Variants in FREM1 observed in about 807,000 individuals in gnomAD.
The protein encoded by FREM1 is FRAS1-related extracellular matrix protein 1.
FREM1 carries 220 observed loss-of-function variants against 210.1 expected under a neutral mutation model. That is an observed-to-expected ratio of 1.05 (90% confidence interval 0.94 to 1.17). The LOEUF is 1.17. FREM1 is among the 50% of genes most tolerant of loss of function. The pLI, the probability that FREM1 is intolerant of heterozygous loss-of-function variation, is 0.00. For missense variants in FREM1, 3,454 were observed against 2,675.5 expected, an observed-to-expected ratio of 1.29 and a Z score of -6.42; for synonymous variants, 1,189 against 980.2, an observed-to-expected ratio of 1.21 and a Z score of -3.98.
chr9:14,850,145 G>C (rs931684363), intron 6 of FREM1, among the ~76,000 whole-genome samples: 1 of 152,114 alleles, frequency 6.6e-6, no homozygotes, highest in Non-Finnish European at 1.5e-5. Flanking sequence ...CAAGTTGCTG[G>C]TAGTTCTTTA....
At chr9:14,802,024 T>G (rs980882464) in intron 19 of FREM1, 150 bp from the exon 20 acceptor site, 1 of 570,712 alleles carries the variant, frequency 1.8e-6, no homozygotes, top group Non-Finnish European at 3.0e-6. Flanking sequence ...AAATTGCTGG[T>G]TTAATATGAA....
intron 1 of FREM1, among the ~76,000 whole-genome samples, chr9:14,895,697 C>T (rs1837588457): frequency 1.3e-5 from 2 of 151,862 alleles, no homozygotes; most frequent in Admixed American, 1.3e-4. Context: ...TTTTCTTAAA[C>T]ATTTATTAAT....
chr9:14,790,676 TAA>T (rs976249096), intron 22 of FREM1: 4 of 152,216 alleles, frequency 2.6e-5, no homozygotes, highest in African/African-American at 9.6e-5. Context: ...TGGCGAAAAC[TAA>T]GAGAAGTCAA....
At chr9:14,891,289 T>C (rs186212997) in intron 1 of FREM1, among the ~76,000 whole-genome samples, 1 of 152,360 alleles carries the variant, frequency 6.6e-6, no homozygotes, top group East Asian at 1.9e-4. Flanking sequence ...TCATTCATTG[T>C]ACAAACAATT....
At chr9:14,794,519 G>A (rs528277445) in intron 21 of FREM1, among the ~76,000 whole-genome samples, 10 of 152,270 alleles carry the variant, frequency 6.6e-5, no homozygotes, top group East Asian at 5.8e-4. Context: ...ATTCCACCAC[G>A]ATCAGGACCA....
intron 29 of FREM1, among the ~76,000 whole-genome samples, chr9:14,753,608 C>G (rs564679742): frequency 6.6e-6 from 1 of 152,170 alleles, no homozygotes; most frequent in Admixed American, 6.5e-5. Flanking sequence ...CCACTGTCTT[C>G]GGTTTTTCAC....
At chr9:14,858,573 T>A (rs1236699083) in intron 4 of FREM1, among the ~76,000 whole-genome samples, 1 of 151,868 alleles carries the variant, frequency 6.6e-6, no homozygotes, top group African/African-American at 2.4e-5. Context: ...CCGTTAACTG[T>A]CATTCTGTCC....
chr9:14,900,148 G>A (rs534763207), intron 1 of FREM1, among the ~76,000 whole-genome samples: 6 of 152,102 alleles, frequency 3.9e-5, no homozygotes, highest in African/African-American at 7.2e-5. Flanking sequence ...TAATGAGAAC[G>A]GGAAACACAC....
Position 14,882,903 on chromosome 9 carries a change from A to G in FREM1, c.-267-13659T>C, listed in dbSNP as rs573591947. ...ACTCCAGCCAGGGCAGCAGAGCGAG[A>G]CTCCATCTCAAAAAAAAAAAAAAAA... On this transcript the variant is annotated intron_variant, in intron 1 of 36. Coordinates refer to ENST00000380880, the MANE Select transcript of FREM1 (RefSeq NM_001379081.2). Among the ~76,000 whole-genome samples, 10 of 149,116 alleles carry G rather than the reference A, an allele frequency of 6.7e-5. No homozygotes were observed. In the South Asian group the frequency reaches 2.1e-3, roughly 32 times the overall value.
At chr9:14,833,759 C>CT (rs987705756) in intron 10 of FREM1, among the ~76,000 whole-genome samples, 3 of 152,106 alleles carry the variant, frequency 2.0e-5, no homozygotes, top group East Asian at 1.9e-4. Flanking sequence ...TTATGTTTTT[C>CT]TTTTTTTGGA....
intron 10 of FREM1, among the ~76,000 whole-genome samples, chr9:14,825,699 A>T (rs1015022120): frequency 6.6e-6 from 1 of 151,458 alleles, no homozygotes; most frequent in East Asian, 1.9e-4. Context: ...ACTTCCCTAT[A>T]TTCAGTCATC....
In FREM1 at chr9:14,816,987, G is replaced by GCAA. The variant is rs1049192411; in HGVS notation, c.2547-119_2547-117dup. On this transcript the variant is annotated intron_variant, in intron 14 of 36. Transcript: ENST00000380880. ...CATGTGTTCACTAAATAAATAAATAGCAACAACAACAACAACAAAAACCCA... is the reference window on the plus strand; with the variant it reads ...CATGTGTTCACTAAATAAATAAATAGCAACAACAACAACAACAACAAAAACCCA... 1.0e-4 allele frequency: 41 copies of GCAA among 403,222 alleles called. 1 individual carries two copies. The highest frequency in any genetic ancestry group is 2.6e-4 in the South Asian group (2 of 7,750). The allele number at this position is 403,222 out of a possible 1,614,324, so 25.0% of individuals were successfully genotyped here. A position where few individuals can be genotyped will look rare whatever the true frequency, so the allele number is the denominator to read the frequency against.
intron 16 of FREM1, among the ~76,000 whole-genome samples, chr9:14,812,027 C>A (rs531397598): frequency 6.6e-6 from 1 of 152,162 alleles, no homozygotes; most frequent in South Asian, 2.1e-4. Flanking sequence ...AGAAGATGTG[C>A]AAGGTGAGAT....
chr9:14,803,382 TCATAG>T (rs1817721962), intron 19 of FREM1, among the ~76,000 whole-genome samples: 1 of 133,248 alleles, frequency 7.5e-6, no homozygotes, highest in South Asian at 2.8e-4. Context: ...CCTTCCTTCC[TCATAG>T]TCTTCTCTGT....
chr9:14,750,077 C>T, intron 30 of FREM1, 50 bp downstream of exon 30: 1 of 1,592,476 alleles, frequency 6.3e-7, no homozygotes, highest in Non-Finnish European at 8.5e-7. Flanking sequence ...AAGGCAAGAG[C>T]TACAGCGCCA....
In FREM1 at chr9:14,823,291, G is replaced by A. The variant is rs775317072; in HGVS notation, c.2206C>T (p.Pro736Ser). The change falls in exon 13 of 37, where the codon CCC becomes TCC. Residue 736 changes from proline to serine, a missense_variant. Pro to Ser is a moderately conservative substitution (Grantham distance 74, BLOSUM62 -1). Transcript: ENST00000380880. ...VNYMKVAYMP[P>S]MQDIGPHCRD... ...CAATGGGGACCAATGTCTTGCATGG[G>A]GGGCATGTAGGCCACTTTCATATAG... is the stretch of plus-strand genomic sequence containing the variant. The A allele has an allele frequency of 4.3e-6, 7 of 1,613,892 alleles. No homozygotes were observed. The highest frequency in any genetic ancestry group is 5.9e-6 in the Non-Finnish European group (7 of 1,179,838).
chr9:14,832,126 A>G (rs542143588), intron 10 of FREM1, among the ~76,000 whole-genome samples: 12 of 152,134 alleles, frequency 7.9e-5, no homozygotes, highest in Non-Finnish European at 1.8e-4. Context: ...AAAGTGGTTT[A>G]TTTTCTTTTG....
At chr9:14,872,796 G>A (rs1417681703) in intron 1 of FREM1, among the ~76,000 whole-genome samples, 5 of 151,880 alleles carry the variant, frequency 3.3e-5, no homozygotes, top group Non-Finnish European at 1.5e-5. Context: ...TATGATATTG[G>A]CTGTGGGTTT....
chr9:14,908,741 A>G (rs895320841), intron 1 of FREM1, among the ~76,000 whole-genome samples: 4 of 152,202 alleles, frequency 2.6e-5, no homozygotes, highest in Admixed American at 6.5e-5. Flanking sequence ...ATGTAGAGCA[A>G]TGTTTACCCA....
Sources: allele counts gnomAD v4.1 joint callset (sites outside exome capture counted in the v4.1 genomes callset), GRCh38; gene constraint gnomAD v4.1.1; transcripts MANE v1.5; gene names NCBI Gene and HGNC (gene_info 2026-07-23, HGNC 2026-07-21).